The following ELMO1 variants were observed in gnomAD, a reference collection of about 807,000 sequenced individuals.
ELMO1 encodes engulfment and cell motility 1.
A neutral mutation model predicts 98.9 loss-of-function variants in ELMO1; 26 were observed. The ratio of observed to expected loss-of-function variants is 0.26; its 90% confidence interval spans 0.19 to 0.36. ELMO1 has a LOEUF of 0.36. ELMO1 is among the 10% of genes least tolerant of loss of function. The pLI is 1.00. For missense variants in ELMO1, 627 were observed against 935.2 expected, an observed-to-expected ratio of 0.67 and a Z score of 4.30; for synonymous variants, 346 against 346.0, an observed-to-expected ratio of 1.00 and a Z score of 0.00.
intron 14 of ELMO1, chr7:37,116,937 A>G (rs553581250): frequency 2.2e-4 from 47 of 212,454 alleles, no homozygotes; most frequent in South Asian, 3.6e-4. Context: ...GGCAGGCTAC[A>G]TCCTGCATCT....
At chr7:37,108,565 G>A (rs1311790024) in intron 14 of ELMO1, among the ~76,000 whole-genome samples, 1 of 152,328 alleles carries the variant, frequency 6.6e-6, no homozygotes, top group Non-Finnish European at 1.5e-5. Context: ...GACTTTCCAA[G>A]TGAGTTTTCT....
At chr7:37,343,495 T>C (rs1185852099) in intron 1 of ELMO1, among the ~76,000 whole-genome samples, 37 of 144,412 alleles carry the variant, frequency 2.6e-4, no homozygotes, top group African/African-American at 9.5e-4. Context: ...TTCTTTTTTT[T>C]TTTTTTTTTT....
At chr7:37,393,480 C>T (rs1304427861) in intron 1 of ELMO1, among the ~76,000 whole-genome samples, 1 of 152,118 alleles carries the variant, frequency 6.6e-6, no homozygotes, top group Non-Finnish European at 1.5e-5. Flanking sequence ...TAAAAAAAAT[C>T]CAATTCAGAA....
chr7:36,996,402 C>T (rs1484245556), intron 16 of ELMO1, among the ~76,000 whole-genome samples: 1 of 151,288 alleles, frequency 6.6e-6, no homozygotes, highest in African/African-American at 2.4e-5. Context: ...ATTTAAGTAA[C>T]ATTTGTTAAG....
At chr7:37,091,574 C>T (rs1784096519) in intron 15 of ELMO1, among the ~76,000 whole-genome samples, 2 of 152,082 alleles carry the variant, frequency 1.3e-5, no homozygotes, top group Non-Finnish European at 2.9e-5. Context: ...TGTAAGGGCA[C>T]CACTCCCTGC....
intron 8 of ELMO1, among the ~76,000 whole-genome samples, chr7:37,229,202 G>A (rs111633918): frequency 2.0e-5 from 3 of 152,080 alleles, no homozygotes; most frequent in African/African-American, 7.2e-5. Flanking sequence ...GGTTTCAAGA[G>A]CATTTATATG....
chr7:37,302,646 T>A (rs2717992), intron 4 of ELMO1, among the ~76,000 whole-genome samples: 53,259 of 151,880 alleles, frequency 0.35, 10,477 homozygotes, highest in Middle Eastern at 0.53. Context: ...GTCTTCCCAG[T>A]TGTGACTCCA....
chr7:36,983,584 A>C (rs1791250773), intron 16 of ELMO1, among the ~76,000 whole-genome samples: 1 of 152,204 alleles, frequency 6.6e-6, no homozygotes, highest in African/African-American at 2.4e-5. Context: ...TTTGGCGACT[A>C]AATTTCCTCA....
intron 6 of ELMO1, 68 bp downstream of exon 6, chr7:37,259,113 C>T (rs1795845937): frequency 6.6e-7 from 1 of 1,520,122 alleles, no homozygotes; most frequent in Non-Finnish European, 8.9e-7. Flanking sequence ...AAGTGTAAGG[C>T]ATGTAACAAT....
intron 1 of ELMO1, among the ~76,000 whole-genome samples, chr7:37,371,647 G>A (rs375733179): frequency 6.3e-4 from 96 of 152,236 alleles, no homozygotes; most frequent in African/African-American, 2.1e-3. Context: ...GCTAACGAAC[G>A]TTTCTTTTCT....
At chr7:37,193,288 T>A (rs967093096) in intron 13 of ELMO1, among the ~76,000 whole-genome samples, 1 of 152,156 alleles carries the variant, frequency 6.6e-6, no homozygotes, top group African/African-American at 2.4e-5. Context: ...CAGGTGGGGC[T>A]ACGCAGCCCA....
chr7:36,901,442 G>A (rs901967130), intron 16 of ELMO1, among the ~76,000 whole-genome samples: 4 of 152,166 alleles, frequency 2.6e-5, no homozygotes, highest in Non-Finnish European at 5.9e-5. Context: ...AATTACTCAA[G>A]CCTACCATGG....
Position 36,987,106 on chromosome 7 carries a change from C to T in ELMO1, c.1437+26193G>A, listed in dbSNP as rs562854216. On this transcript the variant is annotated intron_variant, in intron 16 of 21. Coordinates refer to ENST00000310758, the MANE Select transcript of ELMO1 (RefSeq NM_014800.11). The stretch of plus-strand genomic sequence containing the variant: ...CGGCTTGTGGAAGATTTTGTAAGTA[C>T]GGAGTGTTCAGGCCCAGCTCTTTTC... Among the ~76,000 whole-genome samples, 8 of 152,238 alleles carry T rather than the reference C, an allele frequency of 5.3e-5. No individual in the cohort carries two copies. The South Asian group carries it at 1.7e-3, about 32-fold the overall frequency.
intron 15 of ELMO1, among the ~76,000 whole-genome samples, chr7:37,046,967 T>C (rs1311233689): frequency 2.6e-5 from 4 of 152,266 alleles, no homozygotes; most frequent in African/African-American, 7.2e-5. Flanking sequence ...TTTCCCTCTA[T>C]GTTTACAAGC....
chr7:36,861,222 C>T (rs1340599747), intron 21 of ELMO1, among the ~76,000 whole-genome samples: 1 of 152,032 alleles, frequency 6.6e-6, no homozygotes, highest in Admixed American at 6.6e-5. Flanking sequence ...AAATAAAATC[C>T]CAACAGCAGA....
intron 7 of ELMO1, among the ~76,000 whole-genome samples, chr7:37,235,632 A>G (rs1246865653): frequency 6.6e-6 from 1 of 152,160 alleles, no homozygotes; most frequent in African/African-American, 2.4e-5. Context: ...AAACACACAC[A>G]CTACTGAATC....
At chr7:36,985,818 G>C (rs1298078282) in intron 16 of ELMO1, 1 of 768,606 alleles carries the variant, frequency 1.3e-6, no homozygotes, top group African/African-American at 1.9e-5. Flanking sequence ...GCTCCTCCAT[G>C]TGCTTGTTCC....
At chr7:37,049,886 T>G (rs576435044) in intron 15 of ELMO1, among the ~76,000 whole-genome samples, 2 of 151,914 alleles carry the variant, frequency 1.3e-5, no homozygotes, top group African/African-American at 4.8e-5. Flanking sequence ...CAAGCGATTA[T>G]TCTGCCTCAG....
intron 15 of ELMO1, among the ~76,000 whole-genome samples, chr7:37,055,490 C>A (rs1179276149): frequency 6.6e-6 from 1 of 152,162 alleles, no homozygotes; most frequent in Non-Finnish European, 1.5e-5. Flanking sequence ...AGTCAAGCTA[C>A]CTAACCCCTT....
Sources: gnomAD v4.1 joint callset for allele counts (sites outside exome capture counted in the v4.1 genomes callset) on GRCh38, gnomAD v4.1.1 for gene constraint, MANE v1.5 for transcripts, NCBI Gene and HGNC (gene_info 2026-07-23, HGNC 2026-07-21) for gene names.